MAGT1: variants seen among roughly 807,000 people sequenced by gnomAD.
The protein encoded by MAGT1 is magnesium transporter 1.
In MAGT1, 4 loss-of-function variants were observed where a neutral mutation model predicts 28.4. The observed-to-expected ratio is 0.14, with a 90% CI of 0.07 to 0.32. MAGT1 has a LOEUF of 0.32. MAGT1 is among the 10% of genes least tolerant of loss of function. The pLI is 1.00. For synonymous variants in MAGT1, 89 were observed against 89.7 expected, an observed-to-expected ratio of 0.99 and a Z score of 0.04; for missense variants, 193 against 264.5, an observed-to-expected ratio of 0.73 and a Z score of 1.88.
intron 8 of MAGT1, among the ~76,000 whole-genome samples, chrX:77,834,262 G>GTGTA (rs2076908916): frequency 1.2e-5 from 1 of 82,207 alleles, no homozygotes; most frequent in Non-Finnish European, 2.5e-5. Flanking sequence ...ATACATGTGT[G>GTGTA]TATATATGCA....
intron 2 of MAGT1, among the ~76,000 whole-genome samples, chrX:77,874,609 A>G (rs1191663189): frequency 1.9e-5 from 2 of 107,995 alleles, no homozygotes; most frequent in Non-Finnish European, 3.8e-5. Context: ...AAAAAAAAAA[A>G]AAGAAAATTA....
chrX:77,842,343 G>A lies in MAGT1; in HGVS notation c.827-1023C>T, dbSNP rs141105428. ...TGGAAGGTTGAGGCTGCAGTTAGCC[G>A]TGATCATACCACTGCACTCTAGCCT... On this transcript the variant is annotated intron_variant, in intron 7 of 9. Coordinates refer to ENST00000618282, the MANE Select transcript of MAGT1 (RefSeq NM_001367916.1). Among the ~76,000 whole-genome samples, 472 of 109,848 alleles carry A rather than the reference G, an allele frequency of 4.3e-3. 4 individuals are homozygous for A. Among genetic ancestry groups the A allele is most frequent in the Non-Finnish European group, 7.1e-3 (373 of 52,792 alleles).
chrX:77,857,562 C>G, intron 3 of MAGT1, 65 bp from the exon 4 acceptor site: 3 of 1,156,516 alleles, frequency 2.6e-6, no homozygotes, highest in South Asian at 3.6e-5. Flanking sequence ...CAGTTAACAT[C>G]TTGAAATTTA....
rs782420960 is a variant in MAGT1, at chrX:77,829,180, A to G, written c.*40T>C. 4.0e-5 allele frequency: 47 copies of G among 1,169,385 alleles called. No homozygotes were observed. The highest frequency in any genetic ancestry group is 5.1e-5 in the Non-Finnish European group (44 of 860,008). Reference sequence around the variant, plus strand: ...AAACACACACGATTTTCGTTTTTCAATTTCCAGTACTCCAGTGTCTATATA... The same window carrying G: ...AAACACACACGATTTTCGTTTTTCAGTTTCCAGTACTCCAGTGTCTATATA... On this transcript the variant is annotated 3_prime_UTR_variant, in exon 10 of 10. Transcript: ENST00000618282.
chrX:77,887,317 A>C (rs2077070552), intron 1 of MAGT1, among the ~76,000 whole-genome samples: 1 of 111,473 alleles, frequency 9.0e-6, no homozygotes, highest in Non-Finnish European at 1.9e-5. Context: ...GGCTGGTCTT[A>C]AACTCCTAGG....
intron 7 of MAGT1, among the ~76,000 whole-genome samples, chrX:77,841,935 C>G (rs2076936140): frequency 9.6e-6 from 1 of 104,006 alleles, no homozygotes; most frequent in Admixed American, 1.1e-4. Context: ...AGCAATCCAC[C>G]TGCCTCGGCC....
chrX:77,849,220 G>A (rs1301025724), intron 7 of MAGT1, among the ~76,000 whole-genome samples: 4 of 108,607 alleles, frequency 3.7e-5, no homozygotes, highest in Non-Finnish European at 3.8e-5. Flanking sequence ...GGGACCACAG[G>A]CACGCAGCAC....
chrX:77,848,623 A>G (rs945893058), intron 7 of MAGT1, among the ~76,000 whole-genome samples: 3 of 112,113 alleles, frequency 2.7e-5, no homozygotes, highest in Admixed American at 9.6e-5. Context: ...CAACATGTCT[A>G]CAAGTATAAA....
At chrX:77,843,281 G>C (rs900502515) in intron 7 of MAGT1, among the ~76,000 whole-genome samples, 11 of 111,273 alleles carry the variant, frequency 9.9e-5, no homozygotes, top group African/African-American at 3.3e-4. Flanking sequence ...CTGTCACCCA[G>C]GGTGGAGTGC....
intron 8 of MAGT1, among the ~76,000 whole-genome samples, chrX:77,838,932 A>G (rs930333800): frequency 3.6e-5 from 4 of 110,544 alleles, no homozygotes; most frequent in African/African-American, 1.3e-4. Flanking sequence ...AAAATAATAC[A>G]TTTCCACCTT....
intron 7 of MAGT1, 130 bp downstream of exon 7, chrX:77,853,771 C>T: frequency 1.8e-6 from 1 of 570,121 alleles, no homozygotes; most frequent in Non-Finnish European, 3.1e-6. Flanking sequence ...GAGGATGATA[C>T]AGTAATGATT....
chrX:77,885,989 A>G (rs1171965955), intron 1 of MAGT1, among the ~76,000 whole-genome samples: 3 of 110,941 alleles, frequency 2.7e-5, no homozygotes, highest in African/African-American at 9.8e-5. Context: ...CTAAAATAAA[A>G]TAAAAAAATC....
chrX:77,843,042 A>T (rs2076940241), intron 7 of MAGT1, among the ~76,000 whole-genome samples: 1 of 111,771 alleles, frequency 8.9e-6, no homozygotes, highest in Non-Finnish European at 1.9e-5. Context: ...CAGTTTAGTG[A>T]ATACTAACAG....
chrX:77,845,636 G>A (rs1557214834), intron 7 of MAGT1, among the ~76,000 whole-genome samples: 3 of 111,505 alleles, frequency 2.7e-5, no homozygotes, highest in African/African-American at 9.8e-5. Flanking sequence ...AGGCCTGGTG[G>A]TGACAAAATC....
At chrX:77,858,121 G>A (rs959478586) in intron 3 of MAGT1, among the ~76,000 whole-genome samples, 2 of 111,529 alleles carry the variant, frequency 1.8e-5, no homozygotes. Flanking sequence ...TTTTGAGATG[G>A]AGTCTCGCTC....
chrX:77,859,862 G>A (rs2076990249), intron 3 of MAGT1, among the ~76,000 whole-genome samples: 1 of 108,862 alleles, frequency 9.2e-6, no homozygotes, highest in African/African-American at 3.3e-5. Flanking sequence ...GTGAGACTCT[G>A]TCTTTAAAAA....
At chrX:77,830,668 A>C (rs2076895072) in intron 9 of MAGT1, 137 bp downstream of exon 9, 2 of 218,925 alleles carry the variant, frequency 9.1e-6, no homozygotes, top group East Asian at 1.8e-4. Flanking sequence ...AATAAATAAA[A>C]ATAAAGCCTA....
chrX:77,857,048 GAATAGGTAC>G (rs1256888551), intron 4 of MAGT1, among the ~76,000 whole-genome samples, 175 bp from the exon 5 acceptor site: 6 of 111,676 alleles, frequency 5.4e-5, no homozygotes, highest in African/African-American at 2.0e-4. Flanking sequence ...AAATAGGATA[GAATAGGTAC>G]AATATTCTAT....
At chrX:77,834,105 C>G (rs1557213612) in intron 8 of MAGT1, among the ~76,000 whole-genome samples, 1 of 106,363 alleles carries the variant, frequency 9.4e-6, no homozygotes, top group African/African-American at 3.4e-5. Flanking sequence ...ACCCCTATCT[C>G]TTGCCATATA....
Sources: gnomAD v4.1 joint callset for allele counts (sites outside exome capture counted in the v4.1 genomes callset) on GRCh38, gnomAD v4.1.1 for gene constraint, MANE v1.5 for transcripts, NCBI Gene and HGNC (gene_info 2026-07-23, HGNC 2026-07-21) for gene names.